The following HNF4G variants were observed in gnomAD, a reference collection of about 807,000 sequenced individuals.
The protein encoded by HNF4G is hepatocyte nuclear factor 4 gamma, also known as hepatocyte nuclear factor 4-gamma.
In HNF4G, 21 loss-of-function variants were observed where a neutral mutation model predicts 50.9. The observed-to-expected ratio is 0.41, with a 90% CI of 0.29 to 0.59. The LOEUF (loss-of-function observed/expected upper bound fraction) is 0.59. Among genes scored for constraint, HNF4G ranks in the 20% least tolerant of loss-of-function variants. The pLI is 0.26. For missense variants in HNF4G, 527 were observed against 559.4 expected (o/e 0.94, Z 0.58); for synonymous variants, 198 against 185.6 (o/e 1.07, Z -0.54).
At chr8:75,554,631 G>C (rs530453117) in intron 5 of HNF4G, among the ~76,000 whole-genome samples, 1 of 152,128 alleles carries the variant, frequency 6.6e-6, no homozygotes, top group Non-Finnish European at 1.5e-5. Context: ...TTTATTAGGA[G>C]ATTACTGTTC....
chr8:75,523,109 C>T (rs1209086726), intron 2 of HNF4G, among the ~76,000 whole-genome samples: 1 of 151,978 alleles, frequency 6.6e-6, no homozygotes, highest in African/African-American at 2.4e-5. Flanking sequence ...CCTGTAATCG[C>T]AGCTACTTGG....
In HNF4G at chr8:75,543,994, CT is replaced by C. The variant is rs759192406; in HGVS notation, c.287+19del. On this transcript the variant is annotated intron_variant, in intron 2 of 9. Transcript: ENST00000396423. Reference sequence around the variant, plus strand: ...TATTCTTGCAGGTACTTTAAATGCCCTTTTAGGCAAGTTATCTTTACAGATG... The same window carrying C: ...TATTCTTGCAGGTACTTTAAATGCCCTTTAGGCAAGTTATCTTTACAGATG... 4.2e-5 allele frequency: 65 copies of C among 1,554,294 alleles called. No homozygotes were observed. Among genetic ancestry groups the C allele is most frequent in the Non-Finnish European group, 5.2e-5 (60 of 1,147,226 alleles).
chr8:75,465,455 T>C (rs1383911723), intron 1 of HNF4G, among the ~76,000 whole-genome samples: 1 of 152,162 alleles, frequency 6.6e-6, no homozygotes, highest in East Asian at 1.9e-4. Context: ...TATCTGCTTT[T>C]ATGCATGTAT....
chr8:75,458,296 C>A (rs184086063), intron 1 of HNF4G, among the ~76,000 whole-genome samples: 157 of 150,714 alleles, frequency 1.0e-3, no homozygotes, highest in Admixed American at 5.8e-3. Context: ...AAATGTGAAA[C>A]CCACTAAGGA....
chr8:75,434,883 G>T (rs1443183312), intron 1 of HNF4G, among the ~76,000 whole-genome samples: 1 of 152,166 alleles, frequency 6.6e-6, no homozygotes, highest in Non-Finnish European at 1.5e-5. Flanking sequence ...GAAAAACTTA[G>T]TAGTCTGATA....
At chr8:75,451,325 G>T (rs1406172291) in intron 1 of HNF4G, among the ~76,000 whole-genome samples, 1 of 151,968 alleles carries the variant, frequency 6.6e-6, no homozygotes, top group East Asian at 1.9e-4. Context: ...TGGCTGTGCA[G>T]CGCTTTTTAG....
intron 2 of HNF4G, among the ~76,000 whole-genome samples, chr8:75,529,015 G>C (rs534462685): frequency 1.3e-5 from 2 of 152,084 alleles, no homozygotes; most frequent in African/African-American, 4.8e-5. Flanking sequence ...TGCCGGGCGC[G>C]GTGGCTAACG....
chr8:75,534,319 C>G (rs2130772060), intron 2 of HNF4G, among the ~76,000 whole-genome samples: 1 of 151,682 alleles, frequency 6.6e-6, no homozygotes, highest in Non-Finnish European at 1.5e-5. Flanking sequence ...TAATGCTAAT[C>G]AGCTCCTTAT....
At chr8:75,425,696 A>G (rs1810877019) in intron 1 of HNF4G, among the ~76,000 whole-genome samples, 2 of 151,566 alleles carry the variant, frequency 1.3e-5, no homozygotes, top group East Asian at 3.9e-4. Flanking sequence ...TAACCAGGCA[A>G]AGATTAATTT....
chr8:75,547,827 G>C (rs991987070), intron 3 of HNF4G, 146 bp downstream of exon 3: 5 of 610,380 alleles, frequency 8.2e-6, no homozygotes, highest in Non-Finnish European at 1.4e-5. Flanking sequence ...TCAAGTTAAA[G>C]AATTTAGCCC....
chr8:75,447,583 C>G (rs1811452865), intron 1 of HNF4G, among the ~76,000 whole-genome samples: 1 of 150,782 alleles, frequency 6.6e-6, no homozygotes, highest in Admixed American at 6.6e-5. Context: ...AACAAATTTA[C>G]AAGAAAAAAA....
chr8:75,527,683 T>A (rs1481844757), intron 2 of HNF4G, among the ~76,000 whole-genome samples: 1 of 152,204 alleles, frequency 6.6e-6, no homozygotes, highest in Non-Finnish European at 1.5e-5. Context: ...ATTCAAATAA[T>A]TTTGTTTAAT....
chr8:75,509,598 A>G (rs922976846), intron 2 of HNF4G, among the ~76,000 whole-genome samples: 2 of 152,232 alleles, frequency 1.3e-5, no homozygotes, highest in African/African-American at 4.8e-5. Context: ...ACTGCATAAT[A>G]TGCCACATAA....
At chr8:75,488,510 T>C (rs1287142552) in intron 1 of HNF4G, among the ~76,000 whole-genome samples, 1 of 152,076 alleles carries the variant, frequency 6.6e-6, no homozygotes, top group Non-Finnish European at 1.5e-5. Context: ...ACTTCTGACC[T>C]CAAGTGATCT....
intron 2 of HNF4G, among the ~76,000 whole-genome samples, chr8:75,496,735 A>G (rs1347483875): frequency 6.6e-6 from 1 of 152,052 alleles, no homozygotes; most frequent in Non-Finnish European, 1.5e-5. Context: ...AGACAAGTGG[A>G]GAAAAAGACA....
At chr8:75,421,187 T>A (rs1810767152) in intron 1 of HNF4G, among the ~76,000 whole-genome samples, 1 of 152,232 alleles carries the variant, frequency 6.6e-6, no homozygotes, top group South Asian at 2.1e-4. Context: ...AGATCTTTCC[T>A]GTTCCTTTTT....
intron 2 of HNF4G, among the ~76,000 whole-genome samples, chr8:75,507,285 A>G (rs1027133393): frequency 7.1e-6 from 1 of 140,946 alleles, no homozygotes; most frequent in Non-Finnish European, 1.5e-5. Flanking sequence ...TTTGAGATGG[A>G]GTCTCGCTCT....
chr8:75,475,020 A>AT (rs958846527), intron 1 of HNF4G, among the ~76,000 whole-genome samples: 1 of 148,156 alleles, frequency 6.7e-6, no homozygotes, highest in African/African-American at 2.5e-5. Flanking sequence ...TAATTAATTT[A>AT]TTTTTTGAGA....
At chr8:75,411,731 G>A (rs1810509685) in intron 1 of HNF4G, among the ~76,000 whole-genome samples, 1 of 152,180 alleles carries the variant, frequency 6.6e-6, no homozygotes, top group Non-Finnish European at 1.5e-5. Flanking sequence ...AGTCACAAGG[G>A]CAGGCCTCGT....
Sources: allele counts gnomAD v4.1 joint callset (sites outside exome capture counted in the v4.1 genomes callset), GRCh38; gene constraint gnomAD v4.1.1; transcripts MANE v1.5; gene names NCBI Gene and HGNC (gene_info 2026-07-23, HGNC 2026-07-21).